The following ZNF385C variants were observed in gnomAD, a reference collection of about 807,000 sequenced individuals.
The protein encoded by ZNF385C is CTD-2132N18.2.
ZNF385C carries 28 observed loss-of-function variants against 35.4 expected under a neutral mutation model. That is an observed-to-expected ratio of 0.79 (90% CI 0.59 to 1.08). The LOEUF (loss-of-function observed/expected upper bound fraction) is 1.08. ZNF385C is among the 50% of genes least tolerant of loss of function. The pLI is 0.00. For synonymous variants in ZNF385C, 248 were observed against 248.2 expected (o/e 1.00, Z 0.01); for missense variants, 605 against 595.6 (o/e 1.02, Z -0.16).
intron 1 of ZNF385C, among the ~76,000 whole-genome samples, chr17:42,079,836 G>A (rs2053730031): frequency 6.6e-6 from 1 of 152,050 alleles, no homozygotes; most frequent in Non-Finnish European, 1.5e-5. Flanking sequence ...AAAAAAGAAA[G>A]AAGACAAACA....
chr17:42,053,359 A>T (rs2053319059), intron 2 of ZNF385C, among the ~76,000 whole-genome samples: 1 of 151,568 alleles, frequency 6.6e-6, no homozygotes. Flanking sequence ...ATTGATTTGG[A>T]CCCCAGTGCA....
intron 1 of ZNF385C, among the ~76,000 whole-genome samples, chr17:42,096,100 C>A (rs188235842): frequency 1.3e-5 from 2 of 152,174 alleles, no homozygotes; most frequent in East Asian, 1.9e-4. Flanking sequence ...TGGCCACCCC[C>A]CTTCCTGCTG....
At chr17:42,067,137 C>T (rs1555658501) in intron 1 of ZNF385C, among the ~76,000 whole-genome samples, 1 of 152,042 alleles carries the variant, frequency 6.6e-6, no homozygotes, top group African/African-American at 2.4e-5. Flanking sequence ...GCAGTGTGAT[C>T]ATAGCTCACT....
rs781962895 is a variant in ZNF385C, at chr17:42,028,039, A to G, written c.1164+11T>C. The G allele has an allele frequency of 3.8e-6, 6 of 1,598,686 alleles. No individual in the cohort carries two copies. The highest frequency in any genetic ancestry group is 1.7e-4 in the Middle Eastern group (1 of 6,022). ...TGGCTCCAACCCCAGTCACAGCCTC[A>G]CTTCTCCCACCTGCTTCAGTTGGGT... On this transcript the variant is annotated intron_variant, in intron 7 of 8. Coordinates refer to ENST00000692273, the MANE Select transcript of ZNF385C (RefSeq NM_001392013.1).
At chr17:42,096,500 G>T (rs1405254830) in intron 1 of ZNF385C, among the ~76,000 whole-genome samples, 2 of 152,204 alleles carry the variant, frequency 1.3e-5, no homozygotes, top group African/African-American at 2.4e-5. Context: ...AGGTTTAAGG[G>T]TGCTACTGAA....
Position 42,034,291 on chromosome 17 carries a change from G to A in ZNF385C, c.444C>T (p.Val148=). 2 of 1,550,688 alleles carry A rather than the reference G, an allele frequency of 1.3e-6. No homozygotes were observed. The highest frequency in any genetic ancestry group is 1.7e-6 in the Non-Finnish European group (2 of 1,147,004). The change falls in exon 4 of 9, where the codon GTC becomes GTT. Residue 148 remains valine (V), a synonymous_variant. Transcript: ENST00000692273. ...ACAGCTTCTTCTTCAGAGGGGAGGGGACACCAAACGTGTGGCTGATGACAG... is the reference window on the plus strand; with the variant it reads ...ACAGCTTCTTCTTCAGAGGGGAGGGAACACCAAACGTGTGGCTGATGACAG... ...QKAVISHTFG[V]PSPLKKKLFI... is the part of the protein sequence containing the mutation.
chr17:42,089,084 C>G (rs2053839213), intron 1 of ZNF385C, among the ~76,000 whole-genome samples: 1 of 152,138 alleles, frequency 6.6e-6, no homozygotes, highest in South Asian at 2.1e-4. Context: ...CCTCCCAGTC[C>G]CATCTTCACA....
At chr17:42,030,322 TA>T (rs1555654882) in intron 5 of ZNF385C, among the ~76,000 whole-genome samples, 1 of 152,098 alleles carries the variant, frequency 6.6e-6, no homozygotes, top group Non-Finnish European at 1.5e-5. Flanking sequence ...ACCCCGTTTC[TA>T]CTAAAAATAC....
intron 1 of ZNF385C, among the ~76,000 whole-genome samples, chr17:42,093,520 C>A (rs1312336514): frequency 6.6e-6 from 1 of 152,070 alleles, no homozygotes; most frequent in Non-Finnish European, 1.5e-5. Context: ...GAGTTCTCAA[C>A]AGAGGAGTTA....
intron 3 of ZNF385C, among the ~76,000 whole-genome samples, chr17:42,037,217 G>A (rs1441682363): frequency 1.3e-5 from 2 of 151,992 alleles, no homozygotes; most frequent in Admixed American, 1.3e-4. Context: ...AAGACACAAG[G>A]ACACAATAAA....
At chr17:42,067,217 T>A (rs561222280) in intron 1 of ZNF385C, among the ~76,000 whole-genome samples, 1 of 152,296 alleles carries the variant, frequency 6.6e-6, no homozygotes, top group Non-Finnish European at 1.5e-5. Context: ...ATCACAGTTA[T>A]GAGCCACTGC....
At chr17:42,062,183 A>G (rs782195917) in intron 2 of ZNF385C, 1 of 152,792 alleles carries the variant, frequency 6.5e-6, no homozygotes, top group East Asian at 1.9e-4. Flanking sequence ...TACTTTCCCT[A>G]TGGCCCCTGT....
intron 1 of ZNF385C, among the ~76,000 whole-genome samples, chr17:42,066,622 C>G (rs1223638722): frequency 6.6e-6 from 1 of 152,106 alleles, no homozygotes; most frequent in Non-Finnish European, 1.5e-5. Context: ...TGAATTATGT[C>G]CCCCAAAATT....
intron 1 of ZNF385C, among the ~76,000 whole-genome samples, chr17:42,088,933 C>A (rs1478346490): frequency 6.6e-6 from 1 of 152,084 alleles, no homozygotes; most frequent in Non-Finnish European, 1.5e-5. Context: ...TCAAGCGATC[C>A]TCCCGCCTTG....
chr17:42,090,919 C>G (rs2053859287), intron 1 of ZNF385C, among the ~76,000 whole-genome samples: 1 of 152,194 alleles, frequency 6.6e-6, no homozygotes, highest in South Asian at 2.1e-4. Context: ...TCTTGGAACC[C>G]TGTCTTGTTC....
At chr17:42,039,785 G>A (rs2052962056) in intron 2 of ZNF385C, 3 of 1,232,330 alleles carry the variant, frequency 2.4e-6, no homozygotes, top group East Asian at 3.2e-5. Flanking sequence ...TCAAACTCGT[G>A]CAGCGGGGGC....
intron 2 of ZNF385C, chr17:42,039,406 G>A (rs2052948549): frequency 3.2e-6 from 1 of 308,858 alleles, no homozygotes; most frequent in Non-Finnish European, 5.9e-6. Flanking sequence ...CCCGAGTCCA[G>A]AAGGGAAAAG....
At chr17:42,051,326 T>C (rs2053278819) in intron 2 of ZNF385C, among the ~76,000 whole-genome samples, 1 of 151,972 alleles carries the variant, frequency 6.6e-6, no homozygotes, top group Non-Finnish European at 1.5e-5. Flanking sequence ...TGGCGTGACC[T>C]TTTTCTAAAA....
At chr17:42,058,176 C>CA (rs2053409352) in intron 2 of ZNF385C, among the ~76,000 whole-genome samples, 2 of 152,090 alleles carry the variant, frequency 1.3e-5, no homozygotes, top group African/African-American at 4.8e-5. Flanking sequence ...TGAGGAGGCT[C>CA]AGAGAGGGGA....
Sources: allele counts gnomAD v4.1 joint callset (sites outside exome capture counted in the v4.1 genomes callset), GRCh38; gene constraint gnomAD v4.1.1; transcripts MANE v1.5; gene names NCBI Gene and HGNC (gene_info 2026-07-23, HGNC 2026-07-21).